The following TRMT44 variants were observed in gnomAD, a reference collection of about 807,000 sequenced individuals.
TRMT44 encodes probable tRNA (uracil-O(2)-)-methyltransferase.
In TRMT44, 78 loss-of-function variants were observed where a neutral mutation model predicts 77.3. The observed-to-expected ratio is 1.01, with a 90% CI of 0.84 to 1.22. The LOEUF is 1.22. Ranked by LOEUF, TRMT44 falls within the 50% of genes most tolerant of loss-of-function variation. The pLI is 0.00. For synonymous variants in TRMT44, 391 were observed against 383.3 expected, an observed-to-expected ratio of 1.02 and a Z score of -0.23; for missense variants, 1,090 against 964.4, an observed-to-expected ratio of 1.13 and a Z score of -1.73.
chr4:8,443,121 G>T (rs558365284), intron 1 of TRMT44, among the ~76,000 whole-genome samples: 2 of 152,232 alleles, frequency 1.3e-5, no homozygotes, highest in South Asian at 4.1e-4. Context: ...CTGTGCCTTT[G>T]TAAGACTCTA....
In TRMT44 at chr4:8,441,239, C is replaced by G; in HGVS notation, c.417C>G (p.Ala139=). Residue 139 remains alanine, a synonymous_variant, in exon 1 of 11, where the codon GCC becomes GCG. Coordinates refer to ENST00000389737, the MANE Select transcript of TRMT44 (RefSeq NM_152544.3). Reference sequence around the variant, plus strand: ...AAGGAAGGGAGGGCGACTTCCCCGCCGCAGATCTGGATTCGCTTTGGGAGG... The same window carrying G: ...AAGGAAGGGAGGGCGACTTCCCCGCGGCAGATCTGGATTCGCTTTGGGAGG... ...HAEGREGDFP[A]ADLDSLWEDF... 2 of 1,535,610 alleles carry G rather than the reference C, an allele frequency of 1.3e-6. No homozygotes were observed. The highest frequency in any genetic ancestry group is 1.7e-6 in the Non-Finnish European group (2 of 1,146,582).
downstream of TRMT44, among the ~76,000 whole-genome samples, chr4:8,495,137 G>T (rs1032584947): frequency 6.6e-6 from 1 of 152,214 alleles, no homozygotes; most frequent in Admixed American, 6.5e-5. Context: ...GGAGACCCCA[G>T]GTTAGGGTAG....
chr4:8,509,605 G>A, the TRMT44 span: 5 of 152,828 alleles, frequency 3.3e-5, no homozygotes, highest in African/African-American at 1.2e-4. Context: ...TGGCAGTGGT[G>A]TGTTTGTCCC....
chr4:8,487,838 A>G (rs13105415), intron 2 of TRMT44, among the ~76,000 whole-genome samples: 1 of 152,084 alleles, frequency 6.6e-6, no homozygotes, highest in Admixed American at 6.5e-5. Flanking sequence ...GCAGGCGTCC[A>G]TGAGTGGTCT....
chr4:8,509,202 G>T, the TRMT44 span: 3 of 151,786 alleles, frequency 2.0e-5, no homozygotes, highest in Non-Finnish European at 2.9e-5. Context: ...AGGACGGAGG[G>T]AGGGAGGGAA....
chr4:8,455,940 C>T (rs544847927), intron 6 of TRMT44, among the ~76,000 whole-genome samples: 1 of 152,166 alleles, frequency 6.6e-6, no homozygotes, highest in African/African-American at 2.4e-5. Flanking sequence ...GAAAAAAATT[C>T]AGAAAAAGTT....
At chr4:8,470,023 T>G (rs1243533746) in intron 9 of TRMT44, among the ~76,000 whole-genome samples, 1 of 152,168 alleles carries the variant, frequency 6.6e-6, no homozygotes, top group East Asian at 1.9e-4. Flanking sequence ...CGTCAAAGGA[T>G]GAGAAACCAA....
intron 10 of TRMT44, among the ~76,000 whole-genome samples, chr4:8,475,274 C>G (rs1294660335): frequency 1.3e-5 from 2 of 152,216 alleles, no homozygotes; most frequent in African/African-American, 4.8e-5. Context: ...GATGTTTTCT[C>G]GTGTTTCGGC....
At chr4:8,492,879 T>C (rs1374739664) in intron 2 of TRMT44, among the ~76,000 whole-genome samples, 3 of 152,244 alleles carry the variant, frequency 2.0e-5, no homozygotes, top group Non-Finnish European at 2.9e-5. Flanking sequence ...ACCTTACATA[T>C]ACTGATTGAT....
chr4:8,502,973 C>T, the TRMT44 span, among the ~76,000 whole-genome samples: 6 of 152,340 alleles, frequency 3.9e-5, no homozygotes, highest in African/African-American at 1.4e-4. Flanking sequence ...AGACTCAGCA[C>T]AGGCTTGAAT....
chr4:8,474,580 C>T (rs996070623), intron 10 of TRMT44, among the ~76,000 whole-genome samples: 1 of 152,218 alleles, frequency 6.6e-6, no homozygotes, highest in African/African-American at 2.4e-5. Context: ...CTCGTTATTG[C>T]CACACACAAG....
intron 2 of TRMT44, among the ~76,000 whole-genome samples, chr4:8,487,798 A>G (rs901701069): frequency 1.3e-5 from 2 of 152,162 alleles, no homozygotes; most frequent in African/African-American, 4.8e-5. Flanking sequence ...CCAGAAAAGC[A>G]GGACTTGCCA....
intron 2 of TRMT44, among the ~76,000 whole-genome samples, chr4:8,489,460 C>CGTTTTGTTTTGTTTTGTTTT (rs3068622): frequency 1.6e-4 from 24 of 150,456 alleles, no homozygotes; most frequent in East Asian, 5.9e-4. Flanking sequence ...GTTTTGTTTT[C>CGTTTTGTTTTGTTTTGTTTT]GTTTTGTTTT....
the TRMT44 span, among the ~76,000 whole-genome samples, chr4:8,499,401 T>C: frequency 6.6e-6 from 1 of 152,112 alleles, no homozygotes; most frequent in East Asian, 1.9e-4. Context: ...TTCCAGGAAT[T>C]GTCCTCCTGC....
chr4:8,458,273 G>A (rs1725935417), intron 6 of TRMT44, among the ~76,000 whole-genome samples: 1 of 152,104 alleles, frequency 6.6e-6, no homozygotes, highest in Non-Finnish European at 1.5e-5. Context: ...GAATGTGCCT[G>A]CCTCTCCTGC....
rs1043472806 is a variant in TRMT44, at chr4:8,452,648, T to C, written c.1024-234T>C. On this transcript the variant is annotated intron_variant, in intron 4 of 10. Coordinates refer to ENST00000389737, the MANE Select transcript of TRMT44 (RefSeq NM_152544.3). The surrounding 1 kb of genome is among the most constrained non-coding windows in gnomAD (Gnocchi z 5.7). ...ACTGGGGAGGCTGAGGCAGGAGAAT[T>C]GCTTGAACCCAGGAGGCGGAGGTTG... Among the ~76,000 whole-genome samples the C allele has an allele frequency of 6.6e-6, 1 of 151,842 alleles. No individual in the cohort carries two copies. The highest frequency in any genetic ancestry group is 1.5e-5 in the Non-Finnish European group (1 of 67,966).
chr4:8,471,598 G>A (rs1308803009), intron 10 of TRMT44, among the ~76,000 whole-genome samples: 1 of 152,250 alleles, frequency 6.6e-6, no homozygotes, highest in Admixed American at 6.5e-5. Context: ...GAGCCACAGA[G>A]CCAGGGTGGG....
At chr4:8,501,903 C>T in the TRMT44 span, among the ~76,000 whole-genome samples, 1 of 152,198 alleles carries the variant, frequency 6.6e-6, no homozygotes, top group East Asian at 1.9e-4. This position sits in a 1 kb window ranked among gnomAD's most constrained non-coding sequence, Gnocchi z 4.4. Flanking sequence ...GACCCCTGCC[C>T]ACATCTCTCT....
the TRMT44 span, among the ~76,000 whole-genome samples, chr4:8,515,287 C>A: frequency 6.6e-6 from 1 of 152,178 alleles, no homozygotes; most frequent in Non-Finnish European, 1.5e-5. Context: ...ATTTACCACC[C>A]AATTTGTTCT....
Sources: gnomAD v4.1 joint callset for allele counts (sites outside exome capture counted in the v4.1 genomes callset) on GRCh38, gnomAD v4.1.1 for gene constraint, Gnocchi (gnomAD v3.1) non-coding constraint, MANE v1.5 for transcripts, NCBI Gene and HGNC (gene_info 2026-07-23, HGNC 2026-07-21) for gene names.